Variants in FANCE observed in about 807,000 individuals in gnomAD.
FANCE encodes the protein Fanconi anemia group E protein.
FANCE carries 42 observed loss-of-function variants against 57.8 expected under a neutral mutation model. The ratio of observed to expected loss-of-function variants is 0.73; its 90% CI spans 0.57 to 0.94. The LOEUF is 0.94. Ranked by LOEUF, FANCE falls within the 40% of genes least tolerant of loss-of-function variation. The pLI is 0.00. For missense variants in FANCE, 608 were observed against 661.8 expected, an observed-to-expected ratio of 0.92 and a Z score of 0.89; for synonymous variants, 251 against 286.4, an observed-to-expected ratio of 0.88 and a Z score of 1.25.
At chr6:35,460,961 C>T (rs1490174974) in intron 8 of FANCE, among the ~76,000 whole-genome samples, 2 of 151,968 alleles carry the variant, frequency 1.3e-5, no homozygotes, top group Non-Finnish European at 2.9e-5. Flanking sequence ...CTTTGTTGCC[C>T]AGGCCGAAGT....
chr6:35,458,264 G>C (rs114021030), intron 4 of FANCE, 33 bp from the exon 5 acceptor site: 1 of 1,611,560 alleles, frequency 6.2e-7, no homozygotes, highest in Non-Finnish European at 8.5e-7. Context: ...TGCATGTCCC[G>C]GTGTCCTCTC....
chr6:35,462,896 G>T lies in FANCE; in HGVS notation c.1491G>T (p.Met497Ile). The change falls in exon 9 of 10, where the codon ATG (methionine) becomes ATT (isoleucine). Residue 497 changes from methionine to isoleucine, a missense_variant. Met to Ile is a conservative substitution (Grantham distance 10, BLOSUM62 1). Transcript: ENST00000229769. ...MAYAKLMLTV[M>I]TKYQANITET... ...ATGCCAAGCTCATGCTGACAGTGAT[G>T]ACCAAGTATCAGGCTAACGTGAGTA... 1 of 1,614,212 alleles carries T rather than the reference G, an allele frequency of 6.2e-7. No homozygotes were observed. Among genetic ancestry groups the T allele is most frequent in the South Asian group, 1.1e-5 (1 of 91,056 alleles).
At position 35,458,370 on chromosome 6, in the gene FANCE, T is replaced by C. The variant is rs1282863191; in HGVS notation, c.1043T>C (p.Leu348Pro). Residue 348 changes from leucine to proline, a missense_variant, in exon 5 of 10, where the codon CTG (leucine) becomes CCG (proline). By Grantham distance (98) the Leu-to-Pro change is moderately conservative. Coordinates refer to ENST00000229769, the MANE Select transcript of FANCE (RefSeq NM_021922.3). Reference sequence around the variant, plus strand: ...GGTCTCCTGCGGCTCTGCACCTGGCTGCTGGCCCTTTCACCTGATCTCAGC... The same window carrying C: ...GGTCTCCTGCGGCTCTGCACCTGGCCGCTGGCCCTTTCACCTGATCTCAGC... ...DLGLLRLCTW[L>P]LALSPDLSLS... 8.1e-6 allele frequency: 13 copies of C among 1,614,114 alleles called. No individual in the cohort carries two copies. Among genetic ancestry groups the C allele is most frequent in the Non-Finnish European group, 1.1e-5 (13 of 1,180,056 alleles).
At chr6:35,457,876 G>C in intron 3 of FANCE, 40 bp from the exon 4 acceptor site, 1 of 1,561,220 alleles carries the variant, frequency 6.4e-7, no homozygotes, top group Admixed American at 1.7e-5. Flanking sequence ...ACTTGTCACT[G>C]AGGGCTCTGC....
In FANCE at chr6:35,452,673, G is replaced by T. The variant is rs1767154137; in HGVS notation, c.128G>T (p.Gly43Val). 1.6e-6 allele frequency: 2 copies of T among 1,240,658 alleles called. No homozygotes were observed. Among genetic ancestry groups the T allele is most frequent in the Non-Finnish European group, 2.0e-6 (2 of 993,506 alleles). The allele number at this position is 1,240,658 out of a possible 1,614,324, so 76.9% of individuals were successfully genotyped here. A position where few individuals can be genotyped will look rare whatever the true frequency, so the allele number is the denominator to read the frequency against. ...LQAGPEGARR[G>V]LGVLRALGSR... The stretch of plus-strand genomic sequence containing the variant: ...GCGGGGCCTGAGGGGGCGCGGCGCG[G>T]CCTGGGGGTGCTCCGGGCGCTGGGC... The change falls in exon 1 of 10, where the codon GGC (glycine) becomes GTC (valine). Residue 43 changes from glycine to valine, a missense_variant. Physicochemically the swap from Gly to Val is moderately radical, Grantham distance 109. Coordinates refer to ENST00000229769, the MANE Select transcript of FANCE (RefSeq NM_021922.3).
chr6:35,459,262 T>C (rs1767488292), intron 5 of FANCE, 69 bp from the exon 6 acceptor site: 2 of 1,571,162 alleles, frequency 1.3e-6, no homozygotes, highest in South Asian at 2.2e-5. Context: ...TCATCTGAAA[T>C]GTGCATTTGA....
intron 8 of FANCE, among the ~76,000 whole-genome samples, chr6:35,462,251 G>C (rs767343330): frequency 6.6e-6 from 1 of 152,002 alleles, no homozygotes; most frequent in Non-Finnish European, 1.5e-5. Context: ...GGGATTACAG[G>C]CACGCACCAC....
At position 35,459,714 on chromosome 6, in the gene FANCE, G is replaced by A; in HGVS notation, c.1270G>A (p.Val424Met). Residue 424 changes from valine to methionine, a missense_variant, in exon 7 of 10, where the codon GTG becomes ATG. Physicochemically the swap from Val to Met is conservative, Grantham distance 21. Coordinates refer to ENST00000229769, the MANE Select transcript of FANCE (RefSeq NM_021922.3). ...TCAAACAGAGTTACTGTGTTGCCTT[G>A]TGAAGATGGAGTCCCTGGAGCCAGA... is the stretch of plus-strand genomic sequence containing the variant. ...PAQTELLCCL[V>M]KMESLEPDAQ... 1 of 1,614,130 alleles carries A rather than the reference G, an allele frequency of 6.2e-7. No individual in the cohort carries two copies. The highest frequency in any genetic ancestry group is 1.1e-5 in the South Asian group (1 of 91,080).
chr6:35,466,434 C>T lies in FANCE; in HGVS notation c.*89C>T, dbSNP rs1189705965. The T allele has an allele frequency of 1.1e-6, 1 of 904,488 alleles. No homozygotes were observed. The highest frequency in any genetic ancestry group is 1.9e-6 in the Non-Finnish European group (1 of 538,800). The allele number at this position is 904,488 out of a possible 1,614,324, so 56.0% of individuals were successfully genotyped here. ...TTCACCACCTTGTCTTGAGCCCTAGCCTGAGGATAAAGGCTGAGCCTGGCC... is the reference window on the plus strand; with the variant it reads ...TTCACCACCTTGTCTTGAGCCCTAGTCTGAGGATAAAGGCTGAGCCTGGCC... On this transcript the variant is annotated 3_prime_UTR_variant, in exon 10 of 10. Transcript: ENST00000229769.
chr6:35,462,830 G>A lies in FANCE; in HGVS notation c.1425G>A (p.Lys475=), dbSNP rs1581708308. ...AGAAGTTCAGTGTCTTAATGGAGAA[G>A]CTCTGTAAAAAGGGGCTGGCAGCCA... The part of the protein sequence containing the change: ...TPEKFSVLME[K]LCKKGLAATT... Residue 475 remains lysine, a synonymous_variant, in exon 9 of 10, where the codon AAG becomes AAA. Transcript: ENST00000229769. The A allele has an allele frequency of 6.2e-7, 1 of 1,614,190 alleles. No homozygotes were observed. Among genetic ancestry groups the A allele is most frequent in the South Asian group, 1.1e-5 (1 of 91,088 alleles).
At position 35,466,874 on chromosome 6, in the gene FANCE, G is replaced by C. The variant is rs913987894; in HGVS notation, c.*529G>C. ...GGCCAGAGCTATATTTCCAAAGGCT[G>C]CTGGCCCCAGGCACACTCCTCATCA... On this transcript the variant is annotated 3_prime_UTR_variant, in exon 10 of 10. Coordinates refer to ENST00000229769, the MANE Select transcript of FANCE (RefSeq NM_021922.3). 1 of 240,168 alleles carries C rather than the reference G, an allele frequency of 4.2e-6. No individual in the cohort carries two copies. Among genetic ancestry groups the C allele is most frequent in the African/African-American group, 2.2e-5 (1 of 44,482 alleles). 14.9% of individuals were successfully genotyped at this position (240,168 alleles called of 1,614,324 possible).
intron 9 of FANCE, among the ~76,000 whole-genome samples, chr6:35,464,984 T>G (rs1767770609): frequency 6.6e-6 from 1 of 151,936 alleles, no homozygotes; most frequent in Admixed American, 6.6e-5. Context: ...TCCACCCTCC[T>G]CAGCCTCCCA....
rs200243667 is a variant in FANCE, at chr6:35,456,257, C to A, written c.759C>A (p.Asp253Glu). ...GAGGAAGTGCATCTCCTATTAAGGA[C>A]CAGCCTGTCATGGCAGTTAAGACTG... ...ADGGSASPIK[D>E]QPVMAVKTGE... The change falls in exon 2 of 10, where the codon GAC becomes GAA. Residue 253 changes from aspartate (D) to glutamate (E), a missense_variant. Coordinates refer to ENST00000229769, the MANE Select transcript of FANCE (RefSeq NM_021922.3). The surrounding 1 kb of genome is among the most constrained non-coding windows in gnomAD (Gnocchi z 4.3). 1 of 1,614,180 alleles carries A rather than the reference C, an allele frequency of 6.2e-7. No homozygotes were observed. The highest frequency in any genetic ancestry group is 8.5e-7 in the Non-Finnish European group (1 of 1,180,022).
Position 35,460,630 on chromosome 6 carries a change from G to T in FANCE, c.1383+12G>T, listed in dbSNP as rs1356736803. 1.2e-6 allele frequency: 2 copies of T among 1,613,074 alleles called. No individual in the cohort carries two copies. Among genetic ancestry groups the T allele is most frequent in the Admixed American group, 3.3e-5 (2 of 60,012 alleles). ...TCCTAGAGCGGCAGGTGAGCAGGCT[G>T]CCCTGGGGAAGAGTGGACAAAGAAG... On this transcript the variant is annotated intron_variant, in intron 8 of 9. Coordinates refer to ENST00000229769, the MANE Select transcript of FANCE (RefSeq NM_021922.3).
intron 5 of FANCE, 88 bp from the exon 6 acceptor site, chr6:35,459,243 C>A: frequency 6.6e-7 from 1 of 1,525,016 alleles, no homozygotes; most frequent in Admixed American, 1.7e-5. Context: ...TCCTTTGTAA[C>A]ATGTATCATC....
intron 1 of FANCE, among the ~76,000 whole-genome samples, chr6:35,454,574 C>T (rs1294038826): frequency 2.0e-5 from 3 of 152,136 alleles, no homozygotes; most frequent in Admixed American, 6.6e-5. Flanking sequence ...CCTCAGGTCA[C>T]GTAGGATCTG....
chr6:35,453,128 A>G (rs576367751), intron 1 of FANCE, among the ~76,000 whole-genome samples: 93 of 152,370 alleles, frequency 6.1e-4, no homozygotes, highest in African/African-American at 2.1e-3. Flanking sequence ...CGTACATTTT[A>G]AAGTACAAAA....
chr6:35,460,118 C>T (rs1166714800), intron 7 of FANCE, among the ~76,000 whole-genome samples: 3 of 101,730 alleles, frequency 2.9e-5, no homozygotes, highest in Non-Finnish European at 5.6e-5. Flanking sequence ...TTTTTTTTGG[C>T]GGGGGGTGGG....
intron 9 of FANCE, among the ~76,000 whole-genome samples, chr6:35,465,813 G>A (rs1304283575): frequency 6.6e-6 from 1 of 152,200 alleles, no homozygotes; most frequent in Non-Finnish European, 1.5e-5. Context: ...CCTGTCAGGA[G>A]GTTGTAGCAA....
Sources: gnomAD v4.1 joint callset for allele counts (sites outside exome capture counted in the v4.1 genomes callset) on GRCh38, gnomAD v4.1.1 for gene constraint, Gnocchi (gnomAD v3.1) non-coding constraint, MANE v1.5 for transcripts, NCBI Gene and HGNC (gene_info 2026-07-23, HGNC 2026-07-21) for gene names.